The following WDR7 variants were observed in gnomAD, a reference collection of about 807,000 sequenced individuals.
WDR7 encodes the protein WD repeat domain 7.
WDR7 carries 46 observed loss-of-function variants against 169.4 expected under a neutral mutation model. The observed-to-expected ratio is 0.27, with a 90% confidence interval of 0.21 to 0.35. WDR7 has a LOEUF of 0.35. Ranked by LOEUF, WDR7 falls within the 10% of genes least tolerant of loss-of-function variation. The pLI is 1.00. For synonymous variants in WDR7, 612 were observed against 666.8 expected, an observed-to-expected ratio of 0.92 and a Z score of 1.27; for missense variants, 1,534 against 1,859.3, an observed-to-expected ratio of 0.83 and a Z score of 3.22.
At chr18:56,948,094 A>C (rs2047131586) in intron 25 of WDR7, among the ~76,000 whole-genome samples, 1 of 152,138 alleles carries the variant, frequency 6.6e-6, no homozygotes, top group African/African-American at 2.4e-5. Flanking sequence ...CTTCAGAGCA[A>C]AAATTAGATA....
At chr18:56,829,945 A>G (rs1599081099) in intron 20 of WDR7, among the ~76,000 whole-genome samples, 1 of 152,360 alleles carries the variant, frequency 6.6e-6, no homozygotes, top group East Asian at 1.9e-4. Context: ...TTGAAAAGTT[A>G]GAAAATAACA....
At chr18:57,023,974 C>T (rs1471252717) in intron 27 of WDR7, among the ~76,000 whole-genome samples, 1 of 152,046 alleles carries the variant, frequency 6.6e-6, no homozygotes, top group East Asian at 1.9e-4. Context: ...TTTTGTTGAA[C>T]AAAAAGGCAA....
At chr18:56,691,180 T>C in intron 7 of WDR7, 36 bp from the exon 8 acceptor site, 1 of 1,587,708 alleles carries the variant, frequency 6.3e-7, no homozygotes, top group South Asian at 1.2e-5. Flanking sequence ...TTTACAACAA[T>C]ATGGAGTAGA....
At chr18:56,811,444 G>A (rs141527489) in intron 19 of WDR7, among the ~76,000 whole-genome samples, 96 of 152,188 alleles carry the variant, frequency 6.3e-4, no homozygotes, top group Non-Finnish European at 1.2e-3. Context: ...TTTGGAGCTT[G>A]TCTTTTCATC....
At chr18:56,662,779 T>C (rs2024933122) in intron 1 of WDR7, among the ~76,000 whole-genome samples, 1 of 152,110 alleles carries the variant, frequency 6.6e-6, no homozygotes. Context: ...AATGATATCA[T>C]AAAAAACAAT....
At chr18:56,668,752 C>T (rs568894451) in intron 1 of WDR7, among the ~76,000 whole-genome samples, 2 of 152,220 alleles carry the variant, frequency 1.3e-5, no homozygotes, top group South Asian at 4.1e-4. Context: ...AGTTGTTTGA[C>T]AAGCATACAC....
At chr18:56,805,652 A>ATTTT (rs944185508) in intron 19 of WDR7, among the ~76,000 whole-genome samples, 2 of 144,586 alleles carry the variant, frequency 1.4e-5, no homozygotes, top group African/African-American at 5.1e-5. Context: ...AAATCATAGG[A>ATTTT]TTTTTTTTTT....
chr18:56,937,481 T>C (rs566045973), intron 23 of WDR7, among the ~76,000 whole-genome samples: 7 of 152,358 alleles, frequency 4.6e-5, no homozygotes, highest in African/African-American at 1.7e-4. Flanking sequence ...GTATTTCTTA[T>C]TATTATCTCT....
chr18:56,886,731 C>T (rs1418919514), intron 21 of WDR7, among the ~76,000 whole-genome samples: 2 of 152,188 alleles, frequency 1.3e-5, no homozygotes, highest in Non-Finnish European at 2.9e-5. Flanking sequence ...TCAAGACACT[C>T]ACCTAACACA....
chr18:56,667,367 A>G (rs940720558), intron 1 of WDR7, among the ~76,000 whole-genome samples: 3 of 152,002 alleles, frequency 2.0e-5, no homozygotes, highest in Non-Finnish European at 2.9e-5. Flanking sequence ...TATTTGGTTT[A>G]TCTGTCTTTA....
At chr18:57,025,708 G>A (rs546537865) in intron 27 of WDR7, among the ~76,000 whole-genome samples, 13 of 152,158 alleles carry the variant, frequency 8.5e-5, no homozygotes, top group Non-Finnish European at 1.2e-4. Flanking sequence ...TTGTGAAAAT[G>A]TCAGTGGAGC....
At chr18:56,675,070 G>A (rs985956755) in intron 2 of WDR7, among the ~76,000 whole-genome samples, 16 of 151,898 alleles carry the variant, frequency 1.1e-4, no homozygotes, top group Admixed American at 7.2e-4. Flanking sequence ...GTCTATACTC[G>A]CTGTCCTAAT....
At chr18:56,970,664 ATACTGACAC>A (rs764223934) in intron 26 of WDR7, among the ~76,000 whole-genome samples, 35 of 152,170 alleles carry the variant, frequency 2.3e-4, no homozygotes, top group Non-Finnish European at 4.9e-4. Flanking sequence ...TGATGAACTT[ATACTGACAC>A]ATTGTCACCA....
At chr18:56,825,153 G>A (rs1288586947) in intron 20 of WDR7, among the ~76,000 whole-genome samples, 1 of 152,132 alleles carries the variant, frequency 6.6e-6, no homozygotes, top group Non-Finnish European at 1.5e-5. Flanking sequence ...TTTCTAGGAT[G>A]GATTCTGTCA....
At chr18:56,711,030 T>A (rs1281410553) in intron 12 of WDR7, among the ~76,000 whole-genome samples, 2 of 152,002 alleles carry the variant, frequency 1.3e-5, no homozygotes, top group Middle Eastern at 3.4e-3. Context: ...TTTTTTTTTT[T>A]AAAAGACATT....
intron 19 of WDR7, among the ~76,000 whole-genome samples, chr18:56,788,128 T>A (rs8096035): frequency 0.95 from 144,622 of 152,136 alleles, 69,168 homozygotes; most frequent in East Asian, 1. Flanking sequence ...GGTTATTTTT[T>A]AAAAATACAT....
chr18:56,982,948 T>C (rs951060670), intron 26 of WDR7, among the ~76,000 whole-genome samples: 1 of 152,164 alleles, frequency 6.6e-6, no homozygotes, highest in Admixed American at 6.5e-5. Flanking sequence ...CCTCAGCCAA[T>C]AAGAGAAAAA....
At chr18:56,673,198 T>C (rs1223235593) in intron 2 of WDR7, among the ~76,000 whole-genome samples, 4 of 151,528 alleles carry the variant, frequency 2.6e-5, no homozygotes, top group Non-Finnish European at 5.9e-5. Context: ...TTCACACTGA[T>C]ACGTCTAATT....
chr18:56,790,867 T>G (rs1012763064), intron 19 of WDR7, among the ~76,000 whole-genome samples: 3 of 152,130 alleles, frequency 2.0e-5, no homozygotes, highest in Non-Finnish European at 4.4e-5. Flanking sequence ...AAAAATTTTT[T>G]TTTTATTTGT....
Sources: allele counts gnomAD v4.1 joint callset (sites outside exome capture counted in the v4.1 genomes callset), GRCh38; gene constraint gnomAD v4.1.1; transcripts MANE v1.5; gene names NCBI Gene and HGNC (gene_info 2026-07-23, HGNC 2026-07-21).